Variants in ASCC1 observed in about 807,000 individuals in gnomAD.
ASCC1 encodes the protein activating signal cointegrator 1 complex subunit 1, also known as ASC-1 complex subunit P50.
A neutral mutation model predicts 46.6 loss-of-function variants in ASCC1; 35 were observed. The ratio of observed to expected loss-of-function variants is 0.75; its 90% confidence interval spans 0.57 to 0.99. The LOEUF is 0.99. Among genes scored for constraint, ASCC1 ranks in the 50% least tolerant of loss-of-function variants. The pLI, the probability that ASCC1 is intolerant of heterozygous loss-of-function variation, is 0.00. For synonymous variants in ASCC1, 143 were observed against 146.6 expected (o/e 0.98, Z 0.18); for missense variants, 376 against 428.7 (o/e 0.88, Z 1.09).
At chr10:72,130,953 T>C (rs1188010813) in intron 8 of ASCC1, among the ~76,000 whole-genome samples, 1 of 152,218 alleles carries the variant, frequency 6.6e-6, no homozygotes, top group African/African-American at 2.4e-5. Context: ...AATGTTAAAA[T>C]GTACATCATC....
At chr10:72,151,537 A>G (rs1040173147) in intron 7 of ASCC1, among the ~76,000 whole-genome samples, 6 of 152,196 alleles carry the variant, frequency 3.9e-5, no homozygotes, top group Non-Finnish European at 7.3e-5. Context: ...CAGCACATGT[A>G]TACATATGTA....
intron 5 of ASCC1, among the ~76,000 whole-genome samples, chr10:72,188,415 G>C: frequency 6.6e-6 from 1 of 151,780 alleles, no homozygotes; most frequent in Non-Finnish European, 1.5e-5. Flanking sequence ...CACCACGCCC[G>C]ACCTGGTTTC....
intron 6 of ASCC1, among the ~76,000 whole-genome samples, chr10:72,155,789 C>T (rs570342189): frequency 3.7e-4 from 57 of 152,306 alleles, no homozygotes; most frequent in African/African-American, 1.3e-3. Flanking sequence ...TTGTGCCATG[C>T]TGAAACCCAA....
At chr10:72,182,815 G>GAAA (rs764472124) in intron 5 of ASCC1, among the ~76,000 whole-genome samples, 1 of 126,762 alleles carries the variant, frequency 7.9e-6, no homozygotes, top group Non-Finnish European at 1.6e-5. Flanking sequence ...GTCTCTAAAA[G>GAAA]AAAAAAAAAA....
At chr10:72,172,865 A>G (rs1369006925) in intron 5 of ASCC1, among the ~76,000 whole-genome samples, 1 of 121,606 alleles carries the variant, frequency 8.2e-6, no homozygotes, top group Non-Finnish European at 1.7e-5. Context: ...TTTATATTAT[A>G]TATATTATAT....
intron 7 of ASCC1, among the ~76,000 whole-genome samples, chr10:72,148,488 A>T (rs1487883423): frequency 6.6e-6 from 1 of 152,152 alleles, no homozygotes; most frequent in African/African-American, 2.4e-5. Context: ...CATTTTCTCA[A>T]AAGAGAAAAT....
At chr10:72,173,929 C>G (rs1851550247) in intron 5 of ASCC1, among the ~76,000 whole-genome samples, 1 of 152,242 alleles carries the variant, frequency 6.6e-6, no homozygotes, top group Non-Finnish European at 1.5e-5. Flanking sequence ...CCTGAAAGTT[C>G]TAATGGTATT....
At chr10:72,119,944 G>A (rs1411823996) in intron 9 of ASCC1, among the ~76,000 whole-genome samples, 2 of 152,204 alleles carry the variant, frequency 1.3e-5, no homozygotes, top group Non-Finnish European at 2.9e-5. Flanking sequence ...GTGATTAAAA[G>A]CACTGTAACA....
At chr10:72,135,792 C>G (rs1019185094) in intron 7 of ASCC1, among the ~76,000 whole-genome samples, 1 of 152,164 alleles carries the variant, frequency 6.6e-6, no homozygotes, top group Non-Finnish European at 1.5e-5. Context: ...AAGTGAGATT[C>G]TCTGGTATAA....
In ASCC1 at chr10:72,202,869, C is replaced by A. The variant is rs537202352; in HGVS notation, c.310+558G>T. ...GAAATCTCCTAATACACAGTGAAAT[C>A]TGGAAGCTTTATTCCATCAATGTAT... On this transcript the variant is annotated intron_variant, in intron 4 of 9. Transcript: ENST00000672957. Among the ~76,000 whole-genome samples, 3 of 152,240 alleles carry A rather than the reference C, an allele frequency of 2.0e-5. No individual in the cohort carries two copies. The South Asian group carries it at 6.2e-4, about 32-fold the overall frequency.
chr10:72,186,408 A>G (rs545296155), intron 5 of ASCC1, among the ~76,000 whole-genome samples: 16 of 152,310 alleles, frequency 1.1e-4, no homozygotes, highest in African/African-American at 3.8e-4. Context: ...GATCATCCCT[A>G]TTTTAGAGAT....
chr10:72,193,912 G>C (rs955289190), intron 5 of ASCC1, among the ~76,000 whole-genome samples: 1 of 148,996 alleles, frequency 6.7e-6, no homozygotes, highest in Non-Finnish European at 1.5e-5. Context: ...TCTGCTCACC[G>C]CAAGCTCCAC....
chr10:72,213,245 C>T lies in ASCC1; in HGVS notation c.54G>A (p.Lys18=), dbSNP rs764251791. 1 of 1,614,014 alleles carries T rather than the reference C, an allele frequency of 6.2e-7. No homozygotes were observed. The highest frequency in any genetic ancestry group is 1.7e-5 in the Admixed American group (1 of 60,020). Residue 18 remains lysine (K), a synonymous_variant, in exon 2 of 10, where the codon AAG becomes AAA. Transcript: ENST00000672957. ...GATAGGTCTGTTCTTGGACTGGATT[C>T]TTCCTGTAATTCCGGCCATCAATTC... ...LIRIDGRNYR[K]NPVQEQTYQH...
At chr10:72,108,086 T>C (rs1185888988) in intron 9 of ASCC1, among the ~76,000 whole-genome samples, 1 of 150,678 alleles carries the variant, frequency 6.6e-6, no homozygotes, top group Non-Finnish European at 1.5e-5. Context: ...CTTTTTTTTT[T>C]TTTTTTTTGA....
At chr10:72,137,405 A>G (rs1334815295) in intron 7 of ASCC1, among the ~76,000 whole-genome samples, 1 of 151,844 alleles carries the variant, frequency 6.6e-6, no homozygotes, top group Admixed American at 6.6e-5. Flanking sequence ...GTGCATGCCT[A>G]TAATCCCAGC....
intron 4 of ASCC1, among the ~76,000 whole-genome samples, chr10:72,199,677 G>T (rs551275293): frequency 6.6e-6 from 1 of 151,972 alleles, no homozygotes; most frequent in Non-Finnish European, 1.5e-5. Context: ...CTCATGATCC[G>T]CCCACCCCGG....
intron 9 of ASCC1, among the ~76,000 whole-genome samples, chr10:72,100,169 T>C (rs1255846509): frequency 6.6e-6 from 1 of 152,170 alleles, no homozygotes; most frequent in Non-Finnish European, 1.5e-5. Flanking sequence ...GTTTATGATT[T>C]AGTAACAGAT....
chr10:72,144,867 A>T lies in ASCC1; in HGVS notation c.746+8002T>A, dbSNP rs760831161. Among the ~76,000 whole-genome samples the T allele has an allele frequency of 2.0e-5, 3 of 152,148 alleles. No individual in the cohort carries two copies. The South Asian group carries it at 6.2e-4, about 32-fold the overall frequency. ...ATACAGACTATTTTATTTACCCACG[A>T]TTGCTTTCTGCATCTCATACTAGCC... On this transcript the variant is annotated intron_variant, in intron 7 of 9. Coordinates refer to ENST00000672957, the MANE Select transcript of ASCC1 (RefSeq NM_001198800.3).
intron 5 of ASCC1, among the ~76,000 whole-genome samples, chr10:72,179,464 A>G (rs1003307278): frequency 2.0e-5 from 3 of 152,166 alleles, no homozygotes; most frequent in African/African-American, 7.2e-5. Flanking sequence ...GTTTAACAGG[A>G]TATTTTTTTC....
Sources: gnomAD v4.1 joint callset for allele counts (sites outside exome capture counted in the v4.1 genomes callset) on GRCh38, gnomAD v4.1.1 for gene constraint, MANE v1.5 for transcripts, NCBI Gene and HGNC (gene_info 2026-07-23, HGNC 2026-07-21) for gene names.